CD81: variants seen among roughly 807,000 people sequenced by gnomAD.
CD81 encodes CD81 molecule, also known as CD81 antigen.
Under a neutral mutation model 30.1 loss-of-function variants are expected in CD81, and 10 were observed. That is an observed-to-expected ratio of 0.33 (90% CI 0.21 to 0.56). The LOEUF is 0.56. CD81 is among the 20% of genes least tolerant of loss of function. The pLI, the probability that CD81 is intolerant of heterozygous loss-of-function variation, is 0.89. For synonymous variants in CD81, 147 were observed against 126.4 expected, an observed-to-expected ratio of 1.16 and a Z score of -1.10; for missense variants, 263 against 308.7, an observed-to-expected ratio of 0.85 and a Z score of 1.11.
chr11:2,390,441 C>T lies in CD81; in HGVS notation c.96C>T (p.Ala32=), dbSNP rs748236921. ...CTGGAGGCGTGATCCTGGGTGTGGC[C>T]CTGTGGCTCCGCCATGACCCGCAGA... ...WLAGGVILGV[A]LWLRHDPQTT... The change falls in exon 2 of 8, where the codon GCC becomes GCT. Residue 32 remains alanine (A), a synonymous_variant. Coordinates refer to ENST00000263645, the MANE Select transcript of CD81 (RefSeq NM_004356.4). The T allele has an allele frequency of 6.2e-7, 1 of 1,612,890 alleles. No homozygotes were observed. The highest frequency in any genetic ancestry group is 1.7e-5 in the Admixed American group (1 of 60,030).
At position 2,395,960 on chromosome 11, in the gene CD81, A is replaced by G. The variant is rs1361219583; in HGVS notation, c.551A>G (p.Asn184Ser). 1.2e-6 allele frequency: 2 copies of G among 1,609,526 alleles called. No individual in the cohort carries two copies. Among genetic ancestry groups the G allele is most frequent in the East Asian group, 2.2e-5 (1 of 44,856 alleles). ...CCCTCGGGCAGCAACATCATCAGCA[A>G]CCTCTTCAAGGTGCGCGAGGCCGGT... ...LCPSGSNIIS[N>S]LFKEDCHQKI... Residue 184 changes from asparagine (N) to serine (S), a missense_variant, in exon 6 of 8, where the codon AAC becomes AGC. By Grantham distance (46) the Asn-to-Ser change is conservative. Coordinates refer to ENST00000263645, the MANE Select transcript of CD81 (RefSeq NM_004356.4).
chr11:2,389,109 G>A (rs1221557258), intron 1 of CD81, among the ~76,000 whole-genome samples: 1 of 152,090 alleles, frequency 6.6e-6, no homozygotes, highest in Non-Finnish European at 1.5e-5. Flanking sequence ...TCCTAGGGAC[G>A]CAGAGTCCCC....
rs146337169 is a variant in CD81, at chr11:2,380,747, G to T, written c.66+3132G>T. The stretch of plus-strand genomic sequence containing the variant: ...CCCGGGACAGGGAACTGGCCTGTGG[G>T]AGCCTTGCCTTCCTCATCTGTGTAA... On this transcript the variant is annotated intron_variant, in intron 1 of 7. Transcript: ENST00000263645. Among the ~76,000 whole-genome samples, 901 of 152,324 alleles carry T rather than the reference G, an allele frequency of 5.9e-3. 8 individuals carry two copies. Among genetic ancestry groups the T allele is most frequent in the African/African-American group, 0.02 (850 of 41,574 alleles).
Position 2,397,217 on chromosome 11 carries a change from C to T in CD81, c.*351C>T. ...TGGCCAACTTGGGGGGCTGTGTCCA[C>T]CCAGCCCGCCCGTCCTGTGGGCTGC... On this transcript the variant is annotated 3_prime_UTR_variant, in exon 8 of 8. Transcript: ENST00000263645. 1 of 404,214 alleles carries T rather than the reference C, an allele frequency of 2.5e-6. No homozygotes were observed. The highest frequency in any genetic ancestry group is 2.2e-5 in the South Asian group (1 of 45,544). 25.0% of individuals were successfully genotyped at this position (404,214 alleles called of 1,614,324 possible).
rs1327783177 is a variant in CD81, at chr11:2,394,016, G to A, written c.182-79G>A. 2.7e-6 allele frequency: 3 copies of A among 1,123,980 alleles called. No individual in the cohort carries two copies. The Admixed American group carries it at 5.1e-5, about 19-fold the overall frequency. 69.6% of individuals were successfully genotyped at this position (1,123,980 alleles called of 1,614,324 possible). ...TTCCCAGCTGGGCGGCCCGTGGTGG[G>A]TTCGGCACCCAGGACCCTCCGGGGT... On this transcript the variant is annotated intron_variant, in intron 2 of 7. Coordinates refer to ENST00000263645, the MANE Select transcript of CD81 (RefSeq NM_004356.4).
At chr11:2,376,202 A>C (rs994023059), upstream of CD81, 1 of 150,620 alleles carries the variant, frequency 6.6e-6, no homozygotes, top group Non-Finnish European at 1.5e-5. Flanking sequence ...CCACATTTCC[A>C]GTACCCAGTA....
At chr11:2,384,859 G>A (rs1849763413) in intron 1 of CD81, among the ~76,000 whole-genome samples, 1 of 152,114 alleles carries the variant, frequency 6.6e-6, no homozygotes, top group Non-Finnish European at 1.5e-5. Context: ...TGTAGACAAG[G>A]CAGAGAGAAG....
At position 2,390,356 on chromosome 11, in the gene CD81, G is replaced by A. The variant is rs562377254; in HGVS notation, c.67-56G>A. On this transcript the variant is annotated intron_variant, in intron 1 of 7. Transcript: ENST00000263645. The stretch of plus-strand genomic sequence containing the variant: ...CTTAGGCCTTGCGTGTGGGGTGGGC[G>A]CACTCCCTGCTGCAGTGCTCTTCGT... The A allele has an allele frequency of 3.6e-4, 490 of 1,362,276 alleles. 6 individuals are homozygous for A. The South Asian group carries it at 5.1e-3, about 14-fold the overall frequency. 84.4% of individuals were successfully genotyped at this position (1,362,276 alleles called of 1,614,324 possible).
rs1849984893 is a variant in CD81, at chr11:2,395,587, G to A, written c.459+67G>A. On this transcript the variant is annotated intron_variant, in intron 5 of 7. Transcript: ENST00000263645. ...AACCCGGCGGGGTGTGTCTCGTCCTGGATGAATCCTGCCTACGCCCAGACC... is the reference window on the plus strand; with the variant it reads ...AACCCGGCGGGGTGTGTCTCGTCCTAGATGAATCCTGCCTACGCCCAGACC... The A allele has an allele frequency of 3.2e-6, 4 of 1,252,646 alleles. No homozygotes were observed. The South Asian group carries it at 4.8e-5, about 15-fold the overall frequency. The allele number at this position is 1,252,646 out of a possible 1,614,324, so 77.6% of individuals were successfully genotyped here. A position where few individuals can be genotyped will look rare whatever the true frequency, so the allele number is the denominator to read the frequency against.
At position 2,396,954 on chromosome 11, in the gene CD81, T is replaced by A; in HGVS notation, c.*88T>A. The A allele has an allele frequency of 7.9e-7, 1 of 1,258,992 alleles. No homozygotes were observed. Among genetic ancestry groups the A allele is most frequent in the Non-Finnish European group, 1.1e-6 (1 of 871,658 alleles). The allele number at this position is 1,258,992 out of a possible 1,614,324, so 78.0% of individuals were successfully genotyped here. A position where few individuals can be genotyped will look rare whatever the true frequency, so the allele number is the denominator to read the frequency against. On this transcript the variant is annotated 3_prime_UTR_variant, in exon 8 of 8. Coordinates refer to ENST00000263645, the MANE Select transcript of CD81 (RefSeq NM_004356.4). Reference sequence around the variant, plus strand: ...AGGGGGCCATCACCGCCTGTGTATATAACGTTTCCGGTATTACTCTGCTAC... The same window carrying A: ...AGGGGGCCATCACCGCCTGTGTATAAAACGTTTCCGGTATTACTCTGCTAC...
rs1336481886 is a variant in CD81 at position 2,378,282 on chromosome 11, G to T, written c.66+667G>T. On this transcript the variant is annotated intron_variant, in intron 1 of 7. Coordinates refer to ENST00000263645, the MANE Select transcript of CD81 (RefSeq NM_004356.4). The surrounding 1 kb of genome is among the most constrained non-coding windows in gnomAD (Gnocchi z 4.9). ...CCCTGGCCGTCCCTGCCTGGGAGCCGATCTCCCTCTCCTCACCCAGACACG... is the reference window on the plus strand; with the variant it reads ...CCCTGGCCGTCCCTGCCTGGGAGCCTATCTCCCTCTCCTCACCCAGACACG... Among the ~76,000 whole-genome samples, 1 of 152,132 alleles carries T rather than the reference G, an allele frequency of 6.6e-6. No individual in the cohort carries two copies. Among genetic ancestry groups the T allele is most frequent in the Admixed American group, 6.5e-5 (1 of 15,284 alleles).
intron 1 of CD81, among the ~76,000 whole-genome samples, chr11:2,383,961 G>A (rs1330065955): frequency 6.6e-6 from 1 of 152,198 alleles, no homozygotes. Context: ...GCCTGCGGGG[G>A]CAGCGAGCAG....
chr11:2,393,667 C>T (rs980625702), intron 2 of CD81: 9 of 576,284 alleles, frequency 1.6e-5, no homozygotes, highest in Non-Finnish European at 2.8e-5. Context: ...ACAGTGGGGC[C>T]CACCCTGTGC....
chr11:2,377,980 GGCCGCGGATTCCGGACTGCTGCTTC>G lies in CD81; in HGVS notation c.66+368_66+392del, dbSNP rs1344814754. 1.3e-5 allele frequency: 2 copies of G among 154,320 alleles called. No homozygotes were observed. The highest frequency in any genetic ancestry group is 2.9e-5 in the Non-Finnish European group (2 of 69,492). 9.6% of individuals were successfully genotyped at this position (154,320 alleles called of 1,614,324 possible). A position where few individuals can be genotyped will look rare whatever the true frequency, so the allele number is the denominator to read the frequency against. On this transcript the variant is annotated intron_variant, in intron 1 of 7. Transcript: ENST00000263645. The surrounding 1 kb of genome is among the most constrained non-coding windows in gnomAD (Gnocchi z 7.7). ...TAAGGAGGGGCCTGCGCGGGTCCCT[GGCCGCGGATTCCGGACTGCTGCTTC>G]GCGGGGACGAGGGGGGGGCTCGCGG...
intron 1 of CD81, among the ~76,000 whole-genome samples, chr11:2,388,007 G>C (rs980775934): frequency 2.0e-5 from 3 of 152,150 alleles, no homozygotes; most frequent in African/African-American, 7.2e-5. Flanking sequence ...AGCCCCTTTG[G>C]GGTGAGAGCC....
Position 2,393,829 on chromosome 11 carries a change from G to A in CD81, c.182-266G>A, listed in dbSNP as rs868623749. The stretch of plus-strand genomic sequence containing the variant: ...GTGTCATCCCTGCGAAGCACCTGTC[G>A]CCAGCACTCAGAGCGCTCATGAGGT... On this transcript the variant is annotated intron_variant, in intron 2 of 7. Transcript: ENST00000263645. 3.7e-5 allele frequency: 24 copies of A among 641,676 alleles called. No individual in the cohort carries two copies. In the Middle Eastern group the frequency reaches 2.6e-3, roughly 69 times the overall value. The allele number at this position is 641,676 out of a possible 1,614,324, so 39.7% of individuals were successfully genotyped here.
At chr11:2,389,795 A>C (rs1208210894) in intron 1 of CD81, among the ~76,000 whole-genome samples, 1 of 152,082 alleles carries the variant, frequency 6.6e-6, no homozygotes, top group African/African-American at 2.4e-5. Context: ...TGGTGCCTAC[A>C]GCTTGGCCTG....
intron 1 of CD81, among the ~76,000 whole-genome samples, chr11:2,380,132 G>A (rs1445376969): frequency 6.6e-6 from 1 of 152,156 alleles, no homozygotes; most frequent in Non-Finnish European, 1.5e-5. Context: ...TGTTGGCCAG[G>A]GGTCCAAAGG....
chr11:2,392,114 C>T (rs1849910722), intron 2 of CD81: 1 of 152,250 alleles, frequency 6.6e-6, no homozygotes, highest in Non-Finnish European at 1.5e-5. Flanking sequence ...GCCACCGAGT[C>T]CCCTTCTCCA....
Sources: allele counts gnomAD v4.1 joint callset (sites outside exome capture counted in the v4.1 genomes callset), GRCh38; gene constraint gnomAD v4.1.1; non-coding constraint Gnocchi (gnomAD v3.1); transcripts MANE v1.5; gene names NCBI Gene and HGNC (gene_info 2026-07-23, HGNC 2026-07-21).